The following ELMO1 variants were observed in gnomAD, a reference collection of about 807,000 sequenced individuals.
ELMO1 encodes the protein engulfment and cell motility 1.
ELMO1 carries 26 observed loss-of-function variants against 98.9 expected under a neutral mutation model. That is an observed-to-expected ratio of 0.26 (90% CI 0.19 to 0.36). ELMO1 has a LOEUF of 0.36. Among genes scored for constraint, ELMO1 ranks in the 10% least tolerant of loss-of-function variants. The probability of loss-of-function intolerance (pLI) is 1.00; values close to 1 mark genes in which losing one functional copy is unlikely to be tolerated. For missense variants in ELMO1, 627 were observed against 935.2 expected (o/e 0.67, Z 4.30); for synonymous variants, 346 against 346.0 (o/e 1.00, Z 0.00).
In ELMO1 at chr7:37,035,875, A is replaced by C. The variant is rs1395913827; in HGVS notation, c.1301-22440T>G. 2.6e-5 allele frequency among the ~76,000 whole-genome samples: 4 copies of C among 152,246 alleles called. No homozygotes were observed. The East Asian group carries it at 7.7e-4, about 29-fold the overall frequency. On this transcript the variant is annotated intron_variant, in intron 15 of 21. Transcript: ENST00000310758. ...CAACATTTGAGCTCACTGCAACACCAAAAGGAGATGGCTATGAAACCATTA... is the reference window on the plus strand; with the variant it reads ...CAACATTTGAGCTCACTGCAACACCCAAAGGAGATGGCTATGAAACCATTA...
At chr7:37,397,252 AT>A (rs1386299741) in intron 1 of ELMO1, among the ~76,000 whole-genome samples, 6 of 152,354 alleles carry the variant, frequency 3.9e-5, no homozygotes, top group African/African-American at 1.4e-4. Flanking sequence ...GACTTTGTTA[AT>A]TTTATTTGTC....
At chr7:37,064,326 G>C (rs910269936) in intron 15 of ELMO1, among the ~76,000 whole-genome samples, 2 of 152,208 alleles carry the variant, frequency 1.3e-5, no homozygotes, top group Admixed American at 1.3e-4. Context: ...TTGGTATGGA[G>C]CTTGGGTCCC....
At chr7:37,228,964 C>T (rs1200451245) in intron 8 of ELMO1, among the ~76,000 whole-genome samples, 1 of 152,124 alleles carries the variant, frequency 6.6e-6, no homozygotes, top group Non-Finnish European at 1.5e-5. Context: ...TGCACTCCAG[C>T]CTGGGTGACG....
intron 1 of ELMO1, among the ~76,000 whole-genome samples, chr7:37,408,050 T>C (rs544017783): frequency 6.6e-6 from 1 of 152,182 alleles, no homozygotes; most frequent in African/African-American, 2.4e-5. Context: ...AATTTTACAT[T>C]GGTAAAGAAC....
At chr7:36,933,665 T>C (rs1786248135) in intron 16 of ELMO1, among the ~76,000 whole-genome samples, 2 of 152,286 alleles carry the variant, frequency 1.3e-5, no homozygotes, top group South Asian at 4.1e-4. Flanking sequence ...CCAGTGGGAT[T>C]CTTCCAGACA....
intron 14 of ELMO1, among the ~76,000 whole-genome samples, chr7:37,120,679 T>C (rs887278246): frequency 7.9e-5 from 12 of 152,220 alleles, no homozygotes; most frequent in Non-Finnish European, 1.5e-4. Context: ...TGCCTGCCTC[T>C]GTAGACTCCA....
chr7:37,304,140 T>G (rs562677768), intron 4 of ELMO1, among the ~76,000 whole-genome samples: 1 of 152,178 alleles, frequency 6.6e-6, no homozygotes, highest in South Asian at 2.1e-4. Flanking sequence ...GTTCCCAAAC[T>G]CTAATTAGAA....
chr7:37,326,225 C>T (rs1377540297), intron 2 of ELMO1, among the ~76,000 whole-genome samples: 10 of 152,118 alleles, frequency 6.6e-5, no homozygotes, highest in Non-Finnish European at 2.9e-5. Flanking sequence ...GCAACCTCTC[C>T]ACAGTAGTAA....
intron 16 of ELMO1, among the ~76,000 whole-genome samples, chr7:36,926,546 G>A (rs1785592777): frequency 6.6e-6 from 1 of 151,994 alleles, no homozygotes; most frequent in South Asian, 2.1e-4. Context: ...CCAGCTTTGG[G>A]ATCCACTCAG....
In ELMO1 at chr7:36,949,522, C is replaced by T. The variant is rs372770208; in HGVS notation, c.1438-54505G>A. ...GTTCTCTTGCTCTGTCCTCTTCACT[C>T]GGTCTAGGCCAGGGTTCTTCAACCT... On this transcript the variant is annotated intron_variant, in intron 16 of 21. Transcript: ENST00000310758. Among the ~76,000 whole-genome samples, 227 of 152,062 alleles carry T rather than the reference C, an allele frequency of 1.5e-3. 7 individuals carry two copies. The South Asian group carries it at 0.045, about 30-fold the overall frequency.
chr7:37,221,476 GA>G (rs1231140655), intron 10 of ELMO1, among the ~76,000 whole-genome samples: 7 of 152,078 alleles, frequency 4.6e-5, no homozygotes, highest in African/African-American at 9.7e-5. Context: ...TTTAAGGAAG[GA>G]AATTGTGACC....
intron 4 of ELMO1, among the ~76,000 whole-genome samples, chr7:37,273,182 G>GT (rs1271785980): frequency 6.6e-6 from 1 of 152,220 alleles, no homozygotes; most frequent in African/African-American, 2.4e-5. Context: ...TATATTTGAA[G>GT]TAAGTGTTAT....
chr7:37,442,505 G>A (rs746182227), intron 1 of ELMO1, among the ~76,000 whole-genome samples: 4 of 152,192 alleles, frequency 2.6e-5, no homozygotes, highest in Non-Finnish European at 5.9e-5. Context: ...GAGGAAAAAT[G>A]TTGGCTAAAG....
chr7:37,056,650 C>T (rs921728797), intron 15 of ELMO1, among the ~76,000 whole-genome samples: 4 of 152,330 alleles, frequency 2.6e-5, no homozygotes, highest in South Asian at 2.1e-4. Context: ...TCCCTTTGAA[C>T]GCTTAGAGGA....
At chr7:37,338,066 G>A (rs1169062900) in intron 2 of ELMO1, among the ~76,000 whole-genome samples, 1 of 152,204 alleles carries the variant, frequency 6.6e-6, no homozygotes, top group Non-Finnish European at 1.5e-5. Context: ...TGGAAGTGCA[G>A]GTGAAAAGGA....
At chr7:37,116,225 G>A (rs554838582) in intron 14 of ELMO1, among the ~76,000 whole-genome samples, 14 of 152,248 alleles carry the variant, frequency 9.2e-5, no homozygotes, top group African/African-American at 2.9e-4. Context: ...AAGAAATAGC[G>A]AAACCCCAGC....
chr7:36,954,787 CT>C (rs754813106), intron 16 of ELMO1, among the ~76,000 whole-genome samples: 46 of 152,326 alleles, frequency 3.0e-4, no homozygotes, highest in Non-Finnish European at 5.4e-4. Flanking sequence ...CCTCGGTCCA[CT>C]GTCTTCGCAA....
At chr7:36,910,166 C>A (rs1262689492) in intron 16 of ELMO1, among the ~76,000 whole-genome samples, 1 of 152,184 alleles carries the variant, frequency 6.6e-6, no homozygotes, top group Non-Finnish European at 1.5e-5. Context: ...GAATTTTTGG[C>A]TAAGCTGGAC....
chr7:36,871,929 T>G (rs910692934), intron 19 of ELMO1, among the ~76,000 whole-genome samples: 12 of 152,038 alleles, frequency 7.9e-5, no homozygotes, highest in African/African-American at 1.2e-4. Flanking sequence ...ACCCTAAGAG[T>G]GGGGTTGTGA....
Sources: allele counts gnomAD v4.1 joint callset (sites outside exome capture counted in the v4.1 genomes callset), GRCh38; gene constraint gnomAD v4.1.1; transcripts MANE v1.5; gene names NCBI Gene and HGNC (gene_info 2026-07-23, HGNC 2026-07-21).